The following CREB5 variants were observed in gnomAD, a reference collection of about 807,000 sequenced individuals.
CREB5 encodes cAMP responsive element binding protein 5, also known as cyclic AMP-responsive element-binding protein 5.
Under a neutral mutation model 57.1 loss-of-function variants are expected in CREB5, and 19 were observed. That is an observed-to-expected ratio of 0.33 (90% CI 0.23 to 0.49). CREB5 has a LOEUF of 0.49. Among genes scored for constraint, CREB5 ranks in the 20% least tolerant of loss-of-function variants. The probability of loss-of-function intolerance (pLI) is 0.99; values close to 1 mark genes in which losing one functional copy is unlikely to be tolerated. For synonymous variants in CREB5, 238 were observed against 238.3 expected (o/e 1.00, Z 0.01); for missense variants, 579 against 671.6 (o/e 0.86, Z 1.52).
At chr7:28,759,622 T>C (rs984326867) in intron 7 of CREB5, among the ~76,000 whole-genome samples, 6 of 152,222 alleles carry the variant, frequency 3.9e-5, no homozygotes, top group Non-Finnish European at 7.3e-5. Context: ...AAGTGGAGCA[T>C]TGGTTGCCAG....
chr7:28,466,588 A>T (rs1196813962), intron 1 of CREB5, among the ~76,000 whole-genome samples: 9 of 152,194 alleles, frequency 5.9e-5, no homozygotes, highest in Non-Finnish European at 1.0e-4. Context: ...TTTTCGTGTC[A>T]CAAGACCAAT....
chr7:28,718,297 A>G (rs1179787009), intron 5 of CREB5, among the ~76,000 whole-genome samples: 1 of 152,248 alleles, frequency 6.6e-6, no homozygotes, highest in Non-Finnish European at 1.5e-5. Flanking sequence ...TTGCTCTGAA[A>G]ATCCAGAGAG....
In CREB5 at chr7:28,482,211, C is replaced by T. The variant is rs759836869; in HGVS notation, c.4-5964C>T. On this transcript the variant is annotated intron_variant, in intron 1 of 10. Transcript: ENST00000357727. The stretch of plus-strand genomic sequence containing the variant: ...AATTCTTAGCTCCAAATTGCATATG[C>T]AATTCCTTCCCAACAGCTAGCCACA... Among the ~76,000 whole-genome samples the T allele has an allele frequency of 3.3e-4, 50 of 152,192 alleles. 1 individual carries two copies. Among genetic ancestry groups the T allele is most frequent in the Non-Finnish European group, 6.3e-4 (43 of 68,026 alleles).
intron 7 of CREB5, among the ~76,000 whole-genome samples, chr7:28,782,226 A>G (rs1807030541): frequency 6.6e-6 from 1 of 152,186 alleles, no homozygotes; most frequent in Non-Finnish European, 1.5e-5. Flanking sequence ...TGCTGAATAC[A>G]TTTTTGAAAG....
At chr7:28,755,695 G>A (rs1805259344) in intron 7 of CREB5, among the ~76,000 whole-genome samples, 1 of 152,164 alleles carries the variant, frequency 6.6e-6, no homozygotes, top group African/African-American at 2.4e-5. Flanking sequence ...ACTCTAGGCA[G>A]TGTTAAACAA....
chr7:28,728,893 C>T (rs773059795), intron 7 of CREB5, among the ~76,000 whole-genome samples: 6 of 152,100 alleles, frequency 3.9e-5, no homozygotes, highest in Non-Finnish European at 5.9e-5. Context: ...TGAAAAATAC[C>T]TAAATCTGTC....
intron 7 of CREB5, among the ~76,000 whole-genome samples, chr7:28,789,341 C>G (rs913482206): frequency 6.6e-6 from 1 of 152,062 alleles, no homozygotes; most frequent in African/African-American, 2.4e-5. Flanking sequence ...TGAGAGTGTT[C>G]GCCTCTTAGC....
At chr7:28,494,883 CTT>C in intron 2 of CREB5, 21 bp from the exon 3 acceptor site, 1 of 1,280,510 alleles carries the variant, frequency 7.8e-7, no homozygotes, top group Non-Finnish European at 1.1e-6. Flanking sequence ...TCTCCCCTCC[CTT>C]TTTTTTTATT....
At chr7:28,589,191 G>A (rs1796404768) in intron 5 of CREB5, among the ~76,000 whole-genome samples, 1 of 152,036 alleles carries the variant, frequency 6.6e-6, no homozygotes, top group African/African-American at 2.4e-5. Context: ...ATTTTTTGAT[G>A]CATTTCTAAG....
intron 5 of CREB5, among the ~76,000 whole-genome samples, chr7:28,679,217 G>A (rs114718202): frequency 1.6e-3 from 240 of 152,240 alleles, no homozygotes; most frequent in African/African-American, 5.2e-3. Flanking sequence ...TCAGAAAGCA[G>A]ATACTGCAGT....
chr7:28,301,021 C>G (rs1020907282), intron 1 of CREB5, among the ~76,000 whole-genome samples: 1 of 152,174 alleles, frequency 6.6e-6, no homozygotes, highest in Non-Finnish European at 1.5e-5. Context: ...AACCACTGCT[C>G]TAGAGACTGT....
intron 5 of CREB5, among the ~76,000 whole-genome samples, chr7:28,659,445 C>T (rs1799502668): frequency 6.6e-6 from 1 of 152,072 alleles, no homozygotes; most frequent in African/African-American, 2.4e-5. Context: ...ATTCTTCTCT[C>T]AGTATGCTGT....
chr7:28,812,245 G>T (rs1184645251), intron 9 of CREB5, among the ~76,000 whole-genome samples: 2 of 152,210 alleles, frequency 1.3e-5, no homozygotes, highest in Non-Finnish European at 2.9e-5. Context: ...TAACTAAAAT[G>T]AGTCTTTGCA....
chr7:28,435,574 G>C (rs1454220981), intron 1 of CREB5: 7 of 939,222 alleles, frequency 7.5e-6, no homozygotes, highest in Non-Finnish European at 8.9e-6. Context: ...TCTTCATCAG[G>C]AGAAACATTT....
At chr7:28,494,524 C>G (rs1314475428) in intron 2 of CREB5, among the ~76,000 whole-genome samples, 1 of 152,100 alleles carries the variant, frequency 6.6e-6, no homozygotes, top group Non-Finnish European at 1.5e-5. Context: ...TTGGATATAT[C>G]CAGGGACTAT....
At chr7:28,414,922 T>G (rs1379090565) in intron 1 of CREB5, among the ~76,000 whole-genome samples, 1 of 152,184 alleles carries the variant, frequency 6.6e-6, no homozygotes, top group Non-Finnish European at 1.5e-5. Flanking sequence ...AAGTTTAGGA[T>G]AAATTCTTGA....
chr7:28,689,909 G>GGGGTGTGTGT (rs1554286211), intron 5 of CREB5, among the ~76,000 whole-genome samples: 5 of 141,670 alleles, frequency 3.5e-5, no homozygotes, highest in African/African-American at 1.3e-4. Context: ...ACTTGTATTT[G>GGGGTGTGTGT]GTGTGTGTGT....
intron 1 of CREB5, among the ~76,000 whole-genome samples, chr7:28,432,809 A>G (rs1309790163): frequency 6.6e-6 from 1 of 152,256 alleles, no homozygotes; most frequent in African/African-American, 2.4e-5. Context: ...TACTCATTGT[A>G]GAAAATAAAA....
At chr7:28,703,125 T>G (rs746096518) in intron 5 of CREB5, among the ~76,000 whole-genome samples, 6 of 152,162 alleles carry the variant, frequency 3.9e-5, no homozygotes, top group Admixed American at 2.6e-4. Flanking sequence ...AGATCTTTGG[T>G]TTATGAAGAT....
Sources: gnomAD v4.1 joint callset for allele counts (sites outside exome capture counted in the v4.1 genomes callset) on GRCh38, gnomAD v4.1.1 for gene constraint, MANE v1.5 for transcripts, NCBI Gene and HGNC (gene_info 2026-07-23, HGNC 2026-07-21) for gene names.